Variants in TMSB15B observed in about 807,000 individuals in gnomAD.
TMSB15B encodes the protein thymosin beta 15B.
chrX:103,928,272 C>T, intron 1 of TMSB15B: 1 of 1,206,284 alleles, frequency 8.3e-7, no homozygotes, highest in Admixed American at 2.2e-5. Flanking sequence ...CAGATCCATG[C>T]CATGGCAGTG....
intron 1 of TMSB15B, among the ~76,000 whole-genome samples, chrX:103,930,308 G>A (rs782732053): frequency 9.0e-6 from 1 of 111,060 alleles, no homozygotes; most frequent in South Asian, 3.9e-4. Context: ...GCCCAGCTCA[G>A]AGGTCACCTT....
At chrX:103,931,910 A>C (rs1233866293) in intron 1 of TMSB15B, 2 of 111,184 alleles carry the variant, frequency 1.8e-5, no homozygotes, top group Non-Finnish European at 3.8e-5. Flanking sequence ...TGATTTAATC[A>C]ATCATACCTA....
At chrX:103,930,391 T>C (rs1556319726) in intron 1 of TMSB15B, among the ~76,000 whole-genome samples, 1 of 111,406 alleles carries the variant, frequency 9.0e-6, no homozygotes, top group Non-Finnish European at 1.9e-5. Flanking sequence ...CTAACAGCAC[T>C]TCATAGATGG....
intron 1 of TMSB15B, among the ~76,000 whole-genome samples, chrX:103,944,932 C>G (rs1262133631): frequency 9.0e-6 from 1 of 111,642 alleles, no homozygotes; most frequent in African/African-American, 3.3e-5. Flanking sequence ...CATGCACCAC[C>G]ATGCCCCGCT....
intron 1 of TMSB15B, among the ~76,000 whole-genome samples, chrX:103,951,560 GTTAAA>G (rs1331169542): frequency 8.9e-6 from 1 of 112,044 alleles, no homozygotes; most frequent in African/African-American, 3.2e-5. Context: ...TGGTCATGAA[GTTAAA>G]TTAAGATTAG....
At chrX:103,944,998 G>A (rs1394565894) in intron 1 of TMSB15B, among the ~76,000 whole-genome samples, 4 of 111,704 alleles carry the variant, frequency 3.6e-5, no homozygotes, top group East Asian at 2.8e-4. Context: ...GGCTGGTCTC[G>A]AACTCCTGGC....
At chrX:103,941,738 A>G (rs1463651269) in intron 1 of TMSB15B, among the ~76,000 whole-genome samples, 1 of 111,902 alleles carries the variant, frequency 8.9e-6, no homozygotes, top group African/African-American at 3.3e-5. Context: ...ACCAGTTCAC[A>G]CCCTTACTAG....
chrX:103,922,516 T>TCC (rs1438273847), intron 1 of TMSB15B, among the ~76,000 whole-genome samples: 2 of 110,396 alleles, frequency 1.8e-5, no homozygotes, highest in African/African-American at 6.6e-5. Flanking sequence ...TTCATCCATG[T>TCC]CCCTACAAAG....
At chrX:103,921,251 C>T (rs1337532125) in intron 1 of TMSB15B, among the ~76,000 whole-genome samples, 1 of 111,857 alleles carries the variant, frequency 8.9e-6, no homozygotes, top group East Asian at 2.8e-4. Flanking sequence ...ATGGAGAAGG[C>T]AGGTTGCTCA....
At chrX:103,952,568 T>C (rs2075041557) in intron 1 of TMSB15B, among the ~76,000 whole-genome samples, 1 of 110,928 alleles carries the variant, frequency 9.0e-6, no homozygotes, top group Non-Finnish European at 1.9e-5. Flanking sequence ...CAAGGGTGCA[T>C]TGTGTTTTAT....
intron 1 of TMSB15B, chrX:103,932,006 G>T (rs2074986051): frequency 8.9e-6 from 1 of 112,009 alleles, no homozygotes. Context: ...CTGGAGGGTG[G>T]TGACCCAAGG....
intron 1 of TMSB15B, chrX:103,931,962 G>C (rs1464246700): frequency 1.8e-5 from 2 of 111,989 alleles, no homozygotes; most frequent in Non-Finnish European, 3.8e-5. Flanking sequence ...ACTGGGTTTG[G>C]TTAGCTTCCA....
intron 1 of TMSB15B, among the ~76,000 whole-genome samples, chrX:103,922,096 T>A (rs781834028): frequency 9.3e-4 from 103 of 110,484 alleles, no homozygotes; most frequent in African/African-American, 3.1e-3. Context: ...TTTTTTTTTT[T>A]TTTGAGACGG....
At chrX:103,948,423 C>T (rs1463762499) in intron 1 of TMSB15B, among the ~76,000 whole-genome samples, 1 of 111,721 alleles carries the variant, frequency 9.0e-6, no homozygotes, top group Non-Finnish European at 1.9e-5. Flanking sequence ...ACTATGTCAT[C>T]TAGTAATTTC....
intron 1 of TMSB15B, among the ~76,000 whole-genome samples, chrX:103,921,287 G>A (rs1441555857): frequency 2.7e-5 from 3 of 111,905 alleles, no homozygotes; most frequent in African/African-American, 9.8e-5. Context: ...GGTGATGGTG[G>A]CAGTAGCTCT....
At chrX:103,921,899 G>T (rs1319998045) in intron 1 of TMSB15B, among the ~76,000 whole-genome samples, 2 of 111,719 alleles carry the variant, frequency 1.8e-5, no homozygotes, top group Non-Finnish European at 3.8e-5. Context: ...ACTTTTAAGT[G>T]CAGGCACTGG....
At chrX:103,931,232 A>G (rs1198452437) in intron 1 of TMSB15B, 1 of 112,059 alleles carries the variant, frequency 8.9e-6, no homozygotes, top group Non-Finnish European at 1.9e-5. Context: ...GAGTCTGCAT[A>G]AGGAAAGGAA....
At chrX:103,944,949 T>G (rs1556326887) in intron 1 of TMSB15B, among the ~76,000 whole-genome samples, 1 of 111,685 alleles carries the variant, frequency 9.0e-6, no homozygotes, top group African/African-American at 3.3e-5. Context: ...CGCTGGCTTT[T>G]GTATTTTTAG....
chrX:103,942,748 A>G (rs188873126), intron 1 of TMSB15B, among the ~76,000 whole-genome samples: 68 of 112,064 alleles, frequency 6.1e-4, no homozygotes, highest in Middle Eastern at 9.9e-3. Flanking sequence ...AAGTTTCATA[A>G]TATTCTTCAT....
Sources: gnomAD v4.1 joint callset for allele counts (sites outside exome capture counted in the v4.1 genomes callset) on GRCh38, gnomAD v4.1.1 for gene constraint, MANE v1.5 for transcripts, NCBI Gene and HGNC (gene_info 2026-07-23, HGNC 2026-07-21) for gene names.